The following MAPRE1 variants were observed in gnomAD, a reference collection of about 807,000 sequenced individuals.
MAPRE1 encodes microtubule-associated protein RP/EB family member 1.
In MAPRE1, 5 loss-of-function variants were observed where a neutral mutation model predicts 32.1. That is an observed-to-expected ratio of 0.16 (90% confidence interval 0.08 to 0.33). MAPRE1 has a LOEUF of 0.33. Ranked by LOEUF, MAPRE1 falls within the 10% of genes least tolerant of loss-of-function variation. The probability of loss-of-function intolerance (pLI) is 1.00; values close to 1 mark genes in which losing one functional copy is unlikely to be tolerated. For missense variants in MAPRE1, 209 were observed against 327.2 expected (o/e 0.64, Z 2.79); for synonymous variants, 122 against 118.9 (o/e 1.03, Z -0.17).
intron 5 of MAPRE1, among the ~76,000 whole-genome samples, chr20:32,844,033 T>C: frequency 6.6e-6 from 1 of 152,080 alleles, no homozygotes. Context: ...CTTGTATTTT[T>C]AGTAGAGACA....
At position 32,840,984 on chromosome 20, in the gene MAPRE1, T is replaced by A. The variant is rs1047124453; in HGVS notation, c.597+1128T>A. Among the ~76,000 whole-genome samples the A allele has an allele frequency of 8.5e-5, 13 of 152,188 alleles. No individual in the cohort carries two copies. In the East Asian group the frequency reaches 2.1e-3, roughly 25 times the overall value. On this transcript the variant is annotated intron_variant, in intron 5 of 6. Coordinates refer to ENST00000375571, the MANE Select transcript of MAPRE1 (RefSeq NM_012325.3). The stretch of plus-strand genomic sequence containing the variant: ...TCGTGCGCCACCACGCCTGGCTGAT[T>A]TTTGTATTTTTAGTAGAGACAGGGT...
chr20:32,821,165 G>A (rs1982690506), intron 1 of MAPRE1, among the ~76,000 whole-genome samples: 1 of 152,024 alleles, frequency 6.6e-6, no homozygotes, highest in African/African-American at 2.4e-5. Context: ...ACAGGCGCGC[G>A]CCACCAAGCC....
At chr20:32,821,809 G>GA (rs2146118786) in intron 1 of MAPRE1, among the ~76,000 whole-genome samples, 1 of 152,288 alleles carries the variant, frequency 6.6e-6, no homozygotes, top group East Asian at 1.9e-4. Context: ...ATCTTGCTAG[G>GA]AGAGCTGCTG....
intron 1 of MAPRE1, among the ~76,000 whole-genome samples, chr20:32,823,308 G>C (rs1183925136): frequency 1.3e-5 from 2 of 152,224 alleles, no homozygotes; most frequent in Non-Finnish European, 2.9e-5. Context: ...TGGAGGGAAC[G>C]AAGTACCGTA....
At chr20:32,820,763 C>T (rs961409942) in intron 1 of MAPRE1, among the ~76,000 whole-genome samples, 7 of 152,272 alleles carry the variant, frequency 4.6e-5, no homozygotes, top group African/African-American at 1.7e-4. Flanking sequence ...AGTTCAGTCC[C>T]TACTTCACAG....
intron 1 of MAPRE1, among the ~76,000 whole-genome samples, chr20:32,821,208 G>A (rs977761301): frequency 6.6e-6 from 1 of 152,192 alleles, no homozygotes; most frequent in African/African-American, 2.4e-5. Flanking sequence ...GTAGAGACGA[G>A]GTTTCGCCAT....
chr20:32,838,503 A>G (rs1456461855), intron 4 of MAPRE1, among the ~76,000 whole-genome samples: 1 of 152,180 alleles, frequency 6.6e-6, no homozygotes, highest in Non-Finnish European at 1.5e-5. Context: ...TTACAGACCC[A>G]AGAGTATATA....
At chr20:32,832,708 TC>T (rs1438617377) in intron 2 of MAPRE1, among the ~76,000 whole-genome samples, 1 of 151,870 alleles carries the variant, frequency 6.6e-6, no homozygotes, top group Non-Finnish European at 1.5e-5. Flanking sequence ...ACTCAAGTGA[TC>T]CACCTGCTTC....
At chr20:32,826,852 G>A (rs1982868389) in intron 2 of MAPRE1, among the ~76,000 whole-genome samples, 1 of 152,034 alleles carries the variant, frequency 6.6e-6, no homozygotes, top group Admixed American at 6.6e-5. Flanking sequence ...GCTCTGGCCT[G>A]CAGGTCCACC....
chr20:32,840,006 G>T, intron 5 of MAPRE1, 150 bp downstream of exon 5: 1 of 1,089,848 alleles, frequency 9.2e-7, no homozygotes, highest in Non-Finnish European at 1.3e-6. Context: ...GCTGTGCGGG[G>T]AGCATGAACG....
Position 32,834,898 on chromosome 20 carries a change from T to C in MAPRE1, c.267+1036T>C, listed in dbSNP as rs928301610. Among the ~76,000 whole-genome samples the C allele has an allele frequency of 3.9e-5, 6 of 152,236 alleles. 1 individual carries two copies. Among genetic ancestry groups the C allele is most frequent in the Admixed American group, 3.3e-4 (5 of 15,278 alleles). On this transcript the variant is annotated intron_variant, in intron 3 of 6. Coordinates refer to ENST00000375571, the MANE Select transcript of MAPRE1 (RefSeq NM_012325.3). ...CAATTTTGTTTTATATCTAATTCTATCCTATCCTATGTATTCTGGGTTATT... is the reference window on the plus strand; with the variant it reads ...CAATTTTGTTTTATATCTAATTCTACCCTATCCTATGTATTCTGGGTTATT...
chr20:32,840,842 G>A (rs1601169805), intron 5 of MAPRE1, among the ~76,000 whole-genome samples: 5 of 152,286 alleles, frequency 3.3e-5, no homozygotes, highest in Admixed American at 3.3e-4. Flanking sequence ...TTGAGACGGA[G>A]TCTTGCTGTG....
At chr20:32,829,037 C>T (rs1369003566) in intron 2 of MAPRE1, among the ~76,000 whole-genome samples, 5 of 152,120 alleles carry the variant, frequency 3.3e-5, no homozygotes, top group Admixed American at 6.6e-5. Context: ...TCTCCTGCCT[C>T]AGACTCCTGA....
rs562447765 is a variant in MAPRE1 at position 32,824,352 on chromosome 20, T to A, written c.-3-1573T>A. Among the ~76,000 whole-genome samples, 37 of 152,354 alleles carry A rather than the reference T, an allele frequency of 2.4e-4. 1 individual carries two copies. Among genetic ancestry groups the A allele is most frequent in the African/African-American group, 8.9e-4 (37 of 41,596 alleles). Reference sequence around the variant, plus strand: ...TAGACTCATTGCTGTGTGTTTATTGTTTTGAATTTGAAAGCCTAGCAGAAA... The same window carrying A: ...TAGACTCATTGCTGTGTGTTTATTGATTTGAATTTGAAAGCCTAGCAGAAA... On this transcript the variant is annotated intron_variant, in intron 1 of 6. Coordinates refer to ENST00000375571, the MANE Select transcript of MAPRE1 (RefSeq NM_012325.3).
At chr20:32,845,251 G>A (rs1010919683) in intron 5 of MAPRE1, among the ~76,000 whole-genome samples, 3 of 152,088 alleles carry the variant, frequency 2.0e-5, no homozygotes, top group Non-Finnish European at 4.4e-5. Context: ...ATGTTGCCCA[G>A]GCTGGTCTCA....
chr20:32,844,469 T>C (rs1013695825), intron 5 of MAPRE1, among the ~76,000 whole-genome samples: 1 of 139,946 alleles, frequency 7.1e-6, no homozygotes, highest in Non-Finnish European at 1.5e-5. Flanking sequence ...TTTTTTTTTT[T>C]TGTGGCGTGA....
intron 5 of MAPRE1, among the ~76,000 whole-genome samples, chr20:32,841,098 AC>A (rs1983346152): frequency 6.6e-6 from 1 of 152,210 alleles, no homozygotes; most frequent in Non-Finnish European, 1.5e-5. Context: ...ACAGGCATGA[AC>A]CACTGCGCCT....
chr20:32,820,813 C>G (rs1289213161), intron 1 of MAPRE1, among the ~76,000 whole-genome samples: 1 of 150,416 alleles, frequency 6.6e-6, no homozygotes, highest in African/African-American at 2.4e-5. Flanking sequence ...GACCTCTGCC[C>G]CATTTTGGGG....
chr20:32,842,033 G>A (rs368058549), intron 5 of MAPRE1, among the ~76,000 whole-genome samples: 1 of 151,518 alleles, frequency 6.6e-6, no homozygotes, highest in Non-Finnish European at 1.5e-5. Flanking sequence ...GAAATAATAT[G>A]CGTAAATGGT....
Sources: allele counts gnomAD v4.1 joint callset (sites outside exome capture counted in the v4.1 genomes callset), GRCh38; gene constraint gnomAD v4.1.1; transcripts MANE v1.5; gene names NCBI Gene and HGNC (gene_info 2026-07-23, HGNC 2026-07-21).